The following TENM2 variants were observed in gnomAD, a reference collection of about 807,000 sequenced individuals.
TENM2 encodes teneurin-2.
Under a neutral mutation model 245.2 loss-of-function variants are expected in TENM2, and 52 were observed. That is an observed-to-expected ratio of 0.21 (90% confidence interval 0.17 to 0.27). The LOEUF is 0.27. Among genes scored for constraint, TENM2 ranks in the 10% least tolerant of loss-of-function variants. TENM2 has a pLI of 1.00. For missense variants in TENM2, 3,046 were observed against 3,666.8 expected (o/e 0.83, Z 4.37); for synonymous variants, 1,363 against 1,438.9 (o/e 0.95, Z 1.19).
chr5:168,185,493 A>G (rs1039418447), intron 13 of TENM2, among the ~76,000 whole-genome samples: 4 of 152,276 alleles, frequency 2.6e-5, no homozygotes, highest in Non-Finnish European at 4.4e-5. Context: ...TCCATTTTAT[A>G]CATGAGGGAA....
At chr5:167,978,380 A>G (rs567008341) in intron 4 of TENM2, among the ~76,000 whole-genome samples, 4 of 152,200 alleles carry the variant, frequency 2.6e-5, no homozygotes, top group African/African-American at 4.8e-5. Flanking sequence ...ACGTTCATCA[A>G]TGGATGAATG....
At chr5:167,212,226 C>T in the TENM2 span, among the ~76,000 whole-genome samples, 1 of 151,948 alleles carries the variant, frequency 6.6e-6, no homozygotes, top group African/African-American at 2.4e-5. Flanking sequence ...TGAAAAGCTT[C>T]CATAGCTCGA....
intron 2 of TENM2, among the ~76,000 whole-genome samples, chr5:167,454,052 A>G (rs982645048): frequency 9.2e-5 from 14 of 152,108 alleles, no homozygotes; most frequent in Admixed American, 5.2e-4. Context: ...AATCATTCCA[A>G]TTGAATTTTC....
chr5:168,125,190 T>A (rs1795757250), intron 11 of TENM2, 140 bp downstream of exon 13: 12 of 756,312 alleles, frequency 1.6e-5, no homozygotes, highest in Non-Finnish European at 2.6e-5. Context: ...GTCTTTCTCA[T>A]TCTCTTCTCC....
In TENM2 at chr5:168,036,646, ATATAT is replaced by A. The variant is rs1562081148; in HGVS notation, c.1187-10780_1187-10776del. On this transcript the variant is annotated intron_variant, in intron 5 of 28. Transcript: ENST00000518659. ...AGCGAAACTCCATCAAAAAAAAAAT[ATATAT>A]ATATATATATATAATATATGTATGT... Among the ~76,000 whole-genome samples, 40 of 108,886 alleles carry A rather than the reference ATATAT, an allele frequency of 3.7e-4. 1 individual carries two copies. Among genetic ancestry groups the A allele is most frequent in the African/African-American group, 1.7e-3 (38 of 22,026 alleles). The allele number at this position is 108,886 out of a possible 152,430, so 71.4% of individuals were successfully genotyped here. A position where few individuals can be genotyped will look rare whatever the true frequency, so the allele number is the denominator to read the frequency against.
chr5:168,150,648 C>A (rs1756565029), intron 12 of TENM2, among the ~76,000 whole-genome samples: 1 of 152,224 alleles, frequency 6.6e-6, no homozygotes, highest in African/African-American at 2.4e-5. Context: ...AGTGTATTCT[C>A]TCCCTAAAGG....
the TENM2 span, among the ~76,000 whole-genome samples, chr5:167,015,444 C>A: frequency 6.6e-6 from 1 of 152,144 alleles, no homozygotes; most frequent in Admixed American, 6.5e-5. Flanking sequence ...AAACAAGGCA[C>A]TTCTCCACAC....
intron 6 of TENM2, among the ~76,000 whole-genome samples, chr5:168,051,021 G>A (rs1369258073): frequency 1.3e-5 from 2 of 152,128 alleles, no homozygotes; most frequent in Non-Finnish European, 2.9e-5. Context: ...CTGTAGATCT[G>A]GGATTAGATA....
chr5:168,080,424 A>G (rs1480501812), intron 7 of TENM2, among the ~76,000 whole-genome samples: 2 of 152,000 alleles, frequency 1.3e-5, no homozygotes, highest in South Asian at 2.1e-4. Context: ...TTGTGTGTCT[A>G]TCTCCTTCAG....
intron 2 of TENM2, among the ~76,000 whole-genome samples, chr5:167,410,552 GA>G (rs33991290): frequency 0.48 from 71,583 of 148,402 alleles, 17,081 homozygotes; most frequent in Admixed American, 0.52. Flanking sequence ...TCTTACAAAA[GA>G]AAAAAAAAAA....
intron 12 of TENM2, among the ~76,000 whole-genome samples, chr5:168,155,407 G>C (rs929175778): frequency 2.0e-5 from 3 of 149,822 alleles, no homozygotes; most frequent in African/African-American, 7.5e-5. Context: ...GGTGAAAGGG[G>C]GGGGGGGTCC....
At chr5:167,699,425 G>A (rs78728902) in intron 2 of TENM2, among the ~76,000 whole-genome samples, 2,901 of 152,162 alleles carry the variant, frequency 0.019, 98 homozygotes, top group African/African-American at 0.062. Context: ...ACGAAATCTC[G>A]GCTTATTTTA....
intron 3 of TENM2, among the ~76,000 whole-genome samples, chr5:167,919,697 T>C (rs1777208230): frequency 6.6e-6 from 1 of 152,160 alleles, no homozygotes; most frequent in South Asian, 2.1e-4. Context: ...GATCTAGGTC[T>C]CACTTCCTGA....
the TENM2 span, among the ~76,000 whole-genome samples, chr5:167,033,863 C>A: frequency 6.6e-6 from 1 of 152,168 alleles, no homozygotes; most frequent in African/African-American, 2.4e-5. Flanking sequence ...TGTCATTCAA[C>A]ATGTGTGACT....
At chr5:168,143,863 T>TTC (rs1252830973) in intron 12 of TENM2, among the ~76,000 whole-genome samples, 3 of 122,540 alleles carry the variant, frequency 2.4e-5, no homozygotes, top group Non-Finnish European at 5.2e-5. Flanking sequence ...TTTTTTTTTT[T>TTC]TTTGAGACAG....
chr5:167,264,221 C>A, the TENM2 span, among the ~76,000 whole-genome samples: 1 of 151,256 alleles, frequency 6.6e-6, no homozygotes. Flanking sequence ...CACGGTTTTT[C>A]TATTCTACAT....
At chr5:167,182,313 A>G in the TENM2 span, among the ~76,000 whole-genome samples, 2 of 152,210 alleles carry the variant, frequency 1.3e-5, no homozygotes, top group African/African-American at 4.8e-5. Context: ...AGGTTGCTAC[A>G]GTACTTCAGT....
At chr5:167,637,932 A>G (rs1779309279) in intron 2 of TENM2, among the ~76,000 whole-genome samples, 1 of 152,070 alleles carries the variant, frequency 6.6e-6, no homozygotes, top group Non-Finnish European at 1.5e-5. Context: ...ATACCTACAT[A>G]ACAAACCTGC....
intron 2 of TENM2, among the ~76,000 whole-genome samples, chr5:167,735,072 CAACA>C (rs2150570761): frequency 6.6e-6 from 1 of 152,242 alleles, no homozygotes; most frequent in Admixed American, 6.5e-5. Flanking sequence ...CCTGTGGAAA[CAACA>C]AATATCTATA....
Sources: gnomAD v4.1 joint callset for allele counts (sites outside exome capture counted in the v4.1 genomes callset) on GRCh38, gnomAD v4.1.1 for gene constraint, MANE v1.5 for transcripts, NCBI Gene and HGNC (gene_info 2026-07-23, HGNC 2026-07-21) for gene names.